ZNF521: variants seen among roughly 807,000 people sequenced by gnomAD.
ZNF521 encodes the protein LYST-interacting protein 3.
ZNF521 carries 14 observed loss-of-function variants against 105.5 expected under a neutral mutation model. The observed-to-expected ratio is 0.13, with a 90% confidence interval of 0.09 to 0.21. The LOEUF (loss-of-function observed/expected upper bound fraction) is 0.21, where lower values mean the gene tolerates loss of function less well. Among genes scored for constraint, ZNF521 ranks in the 10% least tolerant of loss-of-function variants. ZNF521 has a pLI of 1.00. For missense variants in ZNF521, 1,233 were observed against 1,629.7 expected (o/e 0.76, Z 4.19); for synonymous variants, 635 against 606.0 (o/e 1.05, Z -0.70).
intron 4 of ZNF521, among the ~76,000 whole-genome samples, chr18:25,211,213 G>A (rs768450305): frequency 1.2e-4 from 18 of 152,178 alleles, no homozygotes; most frequent in African/African-American, 4.3e-4. Flanking sequence ...CCTTTTGTGG[G>A]TTAGAATATA....
At chr18:25,211,284 G>T in intron 4 of ZNF521, among the ~76,000 whole-genome samples, 1 of 152,274 alleles carries the variant, frequency 6.6e-6, no homozygotes. Flanking sequence ...GAATGATACT[G>T]ATTATATACT....
chr18:25,195,354 C>G, intron 4 of ZNF521, 110 bp from the exon 5 acceptor site: 1 of 851,280 alleles, frequency 1.2e-6, no homozygotes, highest in Non-Finnish European at 1.8e-6. Flanking sequence ...TGCTAAGGAA[C>G]AAACTAAACT....
intron 7 of ZNF521, among the ~76,000 whole-genome samples, chr18:25,077,783 G>T (rs1244881897): frequency 6.6e-6 from 1 of 151,982 alleles, no homozygotes; most frequent in African/African-American, 2.4e-5. Flanking sequence ...TTAAGCAGAG[G>T]GCCTCTGTGT....
chr18:25,172,476 G>A (rs2035465518), intron 5 of ZNF521, among the ~76,000 whole-genome samples: 1 of 152,086 alleles, frequency 6.6e-6, no homozygotes, highest in South Asian at 2.1e-4. Context: ...AAAGCTTACT[G>A]GCATCAAACT....
intron 3 of ZNF521, among the ~76,000 whole-genome samples, chr18:25,230,799 A>G (rs1200325645): frequency 6.6e-6 from 1 of 152,182 alleles, no homozygotes. Context: ...CGAGAGCTGT[A>G]GCTCTTACTG....
intron 3 of ZNF521, among the ~76,000 whole-genome samples, chr18:25,257,484 A>G (rs1450692668): frequency 6.6e-6 from 1 of 152,108 alleles, no homozygotes; most frequent in Non-Finnish European, 1.5e-5. Flanking sequence ...TTCAAAAGGG[A>G]CTAGATTTCT....
At chr18:25,203,654 G>A (rs1409930509) in intron 4 of ZNF521, among the ~76,000 whole-genome samples, 4 of 152,042 alleles carry the variant, frequency 2.6e-5, no homozygotes, top group African/African-American at 7.2e-5. Context: ...CAGATGGTGG[G>A]AAATAGAAAG....
intron 5 of ZNF521, among the ~76,000 whole-genome samples, chr18:25,112,769 G>A (rs1021803169): frequency 1.3e-5 from 2 of 152,060 alleles, no homozygotes; most frequent in Non-Finnish European, 2.9e-5. Flanking sequence ...GCAAAACTTG[G>A]TTGCACTTCT....
intron 5 of ZNF521, among the ~76,000 whole-genome samples, chr18:25,183,605 T>C (rs2035669810): frequency 6.6e-6 from 1 of 152,138 alleles, no homozygotes; most frequent in Non-Finnish European, 1.5e-5. Context: ...CCCATTTGAA[T>C]AGATGGTAGG....
chr18:25,220,275 A>C (rs1355178836), intron 4 of ZNF521, among the ~76,000 whole-genome samples: 4 of 152,252 alleles, frequency 2.6e-5, no homozygotes, highest in Admixed American at 2.0e-4. Context: ...TCTAAGTACA[A>C]TGCATTGGTC....
rs776899498 is a variant in ZNF521 at position 25,225,284 on chromosome 18, G to A, written c.2634C>T (p.Asp878=). ...SHNSHDGSEE[D]VDTSEPMYGC... is the part of the protein sequence containing the mutation. ...CGTACATAGGCTCAGAGGTGTCAAC[G>A]TCTTCTTCGCTCCCATCGTGACTGT... Residue 878 remains aspartate, a synonymous_variant, in exon 4 of 8, where the codon GAC becomes GAT. Transcript: ENST00000361524. This position sits in a 1 kb window ranked among gnomAD's most constrained non-coding sequence, Gnocchi z 5.6. 1.4e-5 allele frequency: 23 copies of A among 1,613,988 alleles called. No homozygotes were observed. In the African/African-American group the frequency reaches 1.5e-4, roughly 10 times the overall value.
intron 4 of ZNF521, among the ~76,000 whole-genome samples, chr18:25,195,525 T>G (rs2035887694): frequency 6.6e-6 from 1 of 151,388 alleles, no homozygotes; most frequent in Admixed American, 6.6e-5. Context: ...AGAAGGTTTT[T>G]AAAACCAGAA....
At chr18:25,275,624 C>T (rs1909980073) in intron 3 of ZNF521, among the ~76,000 whole-genome samples, 1 of 152,216 alleles carries the variant, frequency 6.6e-6, no homozygotes, top group African/African-American at 2.4e-5. Context: ...CAAGCTACTA[C>T]ATTTTCAGGG....
intron 4 of ZNF521, among the ~76,000 whole-genome samples, chr18:25,196,740 C>T (rs577910987): frequency 1.3e-5 from 2 of 151,846 alleles, no homozygotes; most frequent in Middle Eastern, 3.4e-3. Context: ...ACATATAGAG[C>T]AACATGTGTT....
chr18:25,351,913 A>T, intron 1 of ZNF521, 92 bp downstream of exon 1: 1 of 282,452 alleles, frequency 3.5e-6, no homozygotes, highest in Non-Finnish European at 7.2e-6. Flanking sequence ...CGGCGGCGGC[A>T]GCGGCGGCGA....
chr18:25,232,660 G>C (rs908266190), intron 3 of ZNF521, among the ~76,000 whole-genome samples: 3 of 152,138 alleles, frequency 2.0e-5, no homozygotes, highest in African/African-American at 7.2e-5. Context: ...ATATAATCTT[G>C]GGTCTTTACA....
chr18:25,167,458 C>A (rs1244340702), intron 5 of ZNF521, among the ~76,000 whole-genome samples: 2 of 152,130 alleles, frequency 1.3e-5, no homozygotes, highest in Admixed American at 1.3e-4. Flanking sequence ...TTGGAAGACA[C>A]AAAACCTACC....
intron 7 of ZNF521, among the ~76,000 whole-genome samples, chr18:25,063,659 A>C (rs2032972375): frequency 6.6e-6 from 1 of 152,148 alleles, no homozygotes; most frequent in Admixed American, 6.5e-5. Context: ...GTTGCTGTAA[A>C]GGATGAAGAG....
intron 7 of ZNF521, among the ~76,000 whole-genome samples, chr18:25,069,798 T>C (rs2033170186): frequency 6.6e-6 from 1 of 152,242 alleles, no homozygotes; most frequent in African/African-American, 2.4e-5. Flanking sequence ...ATTTGTAGAA[T>C]CTGCTAGAAT....
Sources: allele counts gnomAD v4.1 joint callset (sites outside exome capture counted in the v4.1 genomes callset), GRCh38; gene constraint gnomAD v4.1.1; non-coding constraint Gnocchi (gnomAD v3.1); transcripts MANE v1.5; gene names NCBI Gene and HGNC (gene_info 2026-07-23, HGNC 2026-07-21).